PCDH10: variants seen among roughly 807,000 people sequenced by gnomAD.
PCDH10 encodes protocadherin 10, also known as protocadherin-10.
A neutral mutation model predicts 74.4 loss-of-function variants in PCDH10; 15 were observed. The observed-to-expected ratio is 0.20, with a 90% CI of 0.13 to 0.31. The LOEUF (loss-of-function observed/expected upper bound fraction) is 0.31. PCDH10 is among the 10% of genes least tolerant of loss of function. The pLI is 1.00. For missense variants in PCDH10, 1,260 were observed against 1,390.2 expected, an observed-to-expected ratio of 0.91 and a Z score of 1.49; for synonymous variants, 619 against 589.8, an observed-to-expected ratio of 1.05 and a Z score of -0.72.
At chr4:133,164,979 CAT>C (rs1489709384) in intron 4 of PCDH10, among the ~76,000 whole-genome samples, 1 of 146,682 alleles carries the variant, frequency 6.8e-6, no homozygotes, top group Non-Finnish European at 1.5e-5. Flanking sequence ...TCATTATATA[CAT>C]ATATTCATAT....
intron 4 of PCDH10, among the ~76,000 whole-genome samples, chr4:133,178,339 C>T (rs569950131): frequency 6.6e-6 from 1 of 151,908 alleles, no homozygotes; most frequent in African/African-American, 2.4e-5. Context: ...CGGATTCAAG[C>T]GATTCTCCTG....
Position 133,151,850 on chromosome 4 carries a change from C to T in PCDH10, c.1710C>T (p.Asn570=), listed in dbSNP as rs1488340834. 1.2e-6 allele frequency: 2 copies of T among 1,613,128 alleles called. No homozygotes were observed. Among genetic ancestry groups the T allele is most frequent in the East Asian group, 2.2e-5 (1 of 44,878 alleles). ...VNILIVDQND[N]APAIVAPLPG... ...TCCTCATAGTGGATCAAAATGACAA[C>T]GCCCCTGCCATCGTGGCGCCTCTAC... The change falls in exon 1 of 5, where the codon AAC becomes AAT. Residue 570 remains asparagine (N), a synonymous_variant. Transcript: ENST00000264360.
intron 4 of PCDH10, among the ~76,000 whole-genome samples, chr4:133,175,024 T>A (rs1727264941): frequency 6.6e-6 from 1 of 151,834 alleles, no homozygotes; most frequent in Admixed American, 6.6e-5. Flanking sequence ...TAGTAATTTT[T>A]ATAGAAATTG....
At chr4:133,180,391 C>T (rs1727390685) in intron 4 of PCDH10, among the ~76,000 whole-genome samples, 1 of 151,910 alleles carries the variant, frequency 6.6e-6, no homozygotes, top group African/African-American at 2.4e-5. Flanking sequence ...TTTTATGTAA[C>T]AGTTTGTATG....
intron 3 of PCDH10, among the ~76,000 whole-genome samples, chr4:133,157,477 T>G (rs2125861195): frequency 6.6e-6 from 1 of 152,286 alleles, no homozygotes; most frequent in African/African-American, 2.4e-5. Context: ...TTTTGCAAAA[T>G]TAGGTAATAT....
At chr4:133,207,135 A>C (rs1728024363) in intron 2 of PCDH10, among the ~76,000 whole-genome samples, 1 of 152,096 alleles carries the variant, frequency 6.6e-6, no homozygotes, top group Admixed American at 6.6e-5. Flanking sequence ...CAATAATGTT[A>C]AAACCAAAGG....
rs1026224961 is a variant in PCDH10, at chr4:133,190,860, A to G, written c.*700A>G. 3 of 152,098 alleles carry G rather than the reference A, an allele frequency of 2.0e-5. No homozygotes were observed. Among genetic ancestry groups the G allele is most frequent in the African/African-American group, 7.2e-5 (3 of 41,398 alleles). 9.4% of individuals were successfully genotyped at this position (152,098 alleles called of 1,614,324 possible). A position where few individuals can be genotyped will look rare whatever the true frequency, so the allele number is the denominator to read the frequency against. On this transcript the variant is annotated 3_prime_UTR_variant, in exon 5 of 5. Coordinates refer to ENST00000264360, the MANE Select transcript of PCDH10 (RefSeq NM_032961.3). ...CATACAATAAAATAAAAGGTAATTC[A>G]GGGTCCCAAAGACAAACTTACTAAG...
rs2125875076 is a variant in PCDH10 at position 133,193,410 on chromosome 4, T to C, written c.*3250T>C. 6.6e-6 allele frequency: 1 copy of C among 151,834 alleles called. No homozygotes were observed. The highest frequency in any genetic ancestry group is 2.1e-4 in the South Asian group (1 of 4,828). The allele number at this position is 151,834 out of a possible 1,614,324, so 9.4% of individuals were successfully genotyped here. Reference sequence around the variant, plus strand: ...TTAAATATTTTAATTTCTCATTGTTTTATTTGTTAATTGGATTGTAATTTG... The same window carrying C: ...TTAAATATTTTAATTTCTCATTGTTCTATTTGTTAATTGGATTGTAATTTG... On this transcript the variant is annotated 3_prime_UTR_variant, in exon 5 of 5. Transcript: ENST00000264360.
intron 2 of PCDH10, 36 bp from the exon 3 acceptor site, chr4:133,154,881 T>C: frequency 7.2e-7 from 1 of 1,387,240 alleles, no homozygotes. Flanking sequence ...TTTCTTCACC[T>C]TTTTTATTCT....
intron 4 of PCDH10, among the ~76,000 whole-genome samples, chr4:133,177,460 T>C (rs1226069937): frequency 6.6e-6 from 1 of 152,162 alleles, no homozygotes; most frequent in Non-Finnish European, 1.5e-5. Flanking sequence ...ATTCTCATGT[T>C]TTTTTGATTC....
intron 1 of PCDH10, 133 bp from the exon 2 acceptor site, chr4:133,154,173 GT>G: frequency 1.5e-6 from 1 of 647,628 alleles, no homozygotes; most frequent in South Asian, 1.9e-5. Flanking sequence ...CTAGGATGAG[GT>G]TTTAGGAGAG....
At chr4:133,205,572 AT>A (rs1727983311) in intron 2 of PCDH10, among the ~76,000 whole-genome samples, 1 of 151,726 alleles carries the variant, frequency 6.6e-6, no homozygotes, top group African/African-American at 2.4e-5. Context: ...ACTTTTGGAA[AT>A]TTTCTCAAAT....
chr4:133,176,939 A>C (rs1366605010), intron 4 of PCDH10, among the ~76,000 whole-genome samples: 2 of 152,108 alleles, frequency 1.3e-5, no homozygotes, highest in African/African-American at 4.8e-5. Context: ...ATATTTGATA[A>C]TTGTAGAAAA....
At chr4:133,155,423 G>A (rs1452540234) in intron 3 of PCDH10, among the ~76,000 whole-genome samples, 2 of 152,150 alleles carry the variant, frequency 1.3e-5, no homozygotes, top group Non-Finnish European at 1.5e-5. Context: ...CCTGCACAAG[G>A]TCACAAGAAG....
intron 4 of PCDH10, among the ~76,000 whole-genome samples, chr4:133,188,399 A>G (rs1278782244): frequency 6.6e-6 from 1 of 152,120 alleles, no homozygotes; most frequent in Non-Finnish European, 1.5e-5. Flanking sequence ...TTTCTCATGA[A>G]ACAGTTTGAA....
chr4:133,153,380 G>A (rs1274175984), intron 1 of PCDH10: 2 of 405,912 alleles, frequency 4.9e-6, no homozygotes, highest in Non-Finnish European at 6.7e-6. Flanking sequence ...GAAGCCGAGC[G>A]CCCACACAGT....
chr4:133,180,827 A>C (rs1727401226), intron 4 of PCDH10, among the ~76,000 whole-genome samples: 1 of 151,890 alleles, frequency 6.6e-6, no homozygotes. Flanking sequence ...TGATTTAAGG[A>C]TCTAAATCTT....
At chr4:133,184,435 C>T (rs939017975) in intron 4 of PCDH10, among the ~76,000 whole-genome samples, 2 of 151,616 alleles carry the variant, frequency 1.3e-5, no homozygotes, top group African/African-American at 4.8e-5. Context: ...CCAGCCTGGG[C>T]AACATGGTGA....
At chr4:133,196,637 A>G (rs2125876050), downstream of PCDH10, among the ~76,000 whole-genome samples, 3 of 152,358 alleles carry the variant, frequency 2.0e-5, no homozygotes, top group South Asian at 6.2e-4. Context: ...TCTAGTCCCC[A>G]GACAGGAAAG....
Sources: allele counts gnomAD v4.1 joint callset (sites outside exome capture counted in the v4.1 genomes callset), GRCh38; gene constraint gnomAD v4.1.1; transcripts MANE v1.5; gene names NCBI Gene and HGNC (gene_info 2026-07-23, HGNC 2026-07-21).